Variants in PCDHA11 observed in about 807,000 individuals in gnomAD.
PCDHA11 encodes the protein protocadherin alpha-11.
PCDHA11 carries 61 observed loss-of-function variants against 70.3 expected under a neutral mutation model. The observed-to-expected ratio is 0.87, with a 90% CI of 0.71 to 1.07. The LOEUF is 1.07. Among genes scored for constraint, PCDHA11 ranks in the 50% least tolerant of loss-of-function variants. PCDHA11 has a pLI of 0.00. For synonymous variants in PCDHA11, 633 were observed against 555.1 expected (o/e 1.14, Z -1.97); for missense variants, 1,324 against 1,237.5 (o/e 1.07, Z -1.05).
At chr5:140,976,833 C>T (rs2096733011) in intron 1 of PCDHA11, among the ~76,000 whole-genome samples, 1 of 152,140 alleles carries the variant, frequency 6.6e-6, no homozygotes, top group Non-Finnish European at 1.5e-5. Flanking sequence ...ATGAGCAAAA[C>T]AGATATAATC....
intron 1 of PCDHA11, among the ~76,000 whole-genome samples, chr5:140,976,450 C>T (rs2096717096): frequency 6.6e-6 from 1 of 152,040 alleles, no homozygotes; most frequent in South Asian, 2.1e-4. Flanking sequence ...ACTAGGGAGG[C>T]TGGGGAAGAA....
chr5:140,883,771 G>A (rs782418376), intron 1 of PCDHA11: 11 of 1,612,346 alleles, frequency 6.8e-6, no homozygotes, highest in African/African-American at 1.3e-5. Context: ...GGGTGGGCGA[G>A]CGTGCGCTGT....
intron 3 of PCDHA11, among the ~76,000 whole-genome samples, chr5:141,000,006 C>T (rs1453937377): frequency 1.3e-5 from 2 of 151,992 alleles, no homozygotes; most frequent in Admixed American, 1.3e-4. Context: ...TTAGATTGGC[C>T]TCCCCATTGC....
chr5:140,870,485 T>C lies in PCDHA11; in HGVS notation c.1382T>C (p.Val461Ala), dbSNP rs1388283363. 1 of 1,614,118 alleles carries C rather than the reference T, an allele frequency of 6.2e-7. No homozygotes were observed. Among genetic ancestry groups the C allele is most frequent in the South Asian group, 1.1e-5 (1 of 91,094 alleles). Residue 461 changes from valine (V) to alanine (A), a missense_variant, in exon 1 of 4, where the codon GTG becomes GCG. Val to Ala is a moderately conservative substitution (Grantham distance 64). Coordinates refer to ENST00000398640, the MANE Select transcript of PCDHA11 (RefSeq NM_018902.5). The stretch of plus-strand genomic sequence containing the variant: ...GCGTTCGCACAGCCCGAGTACACCG[T>C]GTTCGTGAAGGAGAACAACCCACCA... Reference protein sequence around the residue: ...APAFAQPEYTVFVKENNPPGC... With the variant: ...APAFAQPEYTAFVKENNPPGC...
At chr5:140,993,345 C>T (rs557836440) in intron 3 of PCDHA11, among the ~76,000 whole-genome samples, 25 of 152,064 alleles carry the variant, frequency 1.6e-4, no homozygotes, top group African/African-American at 4.3e-4. Context: ...AAGGGCACTA[C>T]GAAGATCCTC....
intron 1 of PCDHA11, among the ~76,000 whole-genome samples, chr5:140,872,594 T>A (rs1554166277): frequency 1.3e-5 from 2 of 152,130 alleles, no homozygotes; most frequent in African/African-American, 2.4e-5. Context: ...GAGACCCCCA[T>A]CTGAAAAAAT....
intron 1 of PCDHA11, chr5:140,883,158 C>A: frequency 2.5e-6 from 4 of 1,613,710 alleles, no homozygotes; most frequent in Non-Finnish European, 3.4e-6. Flanking sequence ...ACCATAAATC[C>A]GAACAATGGA....
At chr5:140,962,625 A>C (rs2095697493) in intron 1 of PCDHA11, among the ~76,000 whole-genome samples, 1 of 152,228 alleles carries the variant, frequency 6.6e-6, no homozygotes, top group Non-Finnish European at 1.5e-5. Context: ...GAGATGTGAA[A>C]AAATTTAGCC....
At chr5:140,934,561 TTTAA>T (rs549996624) in intron 1 of PCDHA11, among the ~76,000 whole-genome samples, 1 of 152,208 alleles carries the variant, frequency 6.6e-6, no homozygotes, top group South Asian at 2.1e-4. Flanking sequence ...TCTTCTTTTT[TTTAA>T]TTAATTGTAA....
intron 3 of PCDHA11, among the ~76,000 whole-genome samples, chr5:140,989,980 C>T (rs1172154204): frequency 6.6e-6 from 1 of 152,012 alleles, no homozygotes; most frequent in South Asian, 2.1e-4. Context: ...AGCAACAGCC[C>T]TGCCTGAAAT....
Position 140,870,624 on chromosome 5 carries a change from G to T in PCDHA11, c.1521G>T (p.Val507=), listed in dbSNP as rs1554164487. ...GCGACCGCGCGCTGTCGAGCTACGT[G>T]TCGGTGCACGCGGAGAGCGGCAAGG... The part of the protein sequence containing the change: ...RLGDRALSSY[V]SVHAESGKVY... The change falls in exon 1 of 4, where the codon GTG becomes GTT. Residue 507 remains valine, a synonymous_variant. Coordinates refer to ENST00000398640, the MANE Select transcript of PCDHA11 (RefSeq NM_018902.5). 2 of 1,613,112 alleles carry T rather than the reference G, an allele frequency of 1.2e-6. No homozygotes were observed. Among genetic ancestry groups the T allele is most frequent in the South Asian group, 2.2e-5 (2 of 91,044 alleles).
chr5:140,923,774 G>T (rs1447078559), intron 1 of PCDHA11, among the ~76,000 whole-genome samples: 1 of 152,202 alleles, frequency 6.6e-6, no homozygotes, highest in Non-Finnish European at 1.5e-5. Flanking sequence ...CTACTGGGTG[G>T]ATGGTTTCTT....
At chr5:140,993,018 C>T (rs2097537347) in intron 3 of PCDHA11, among the ~76,000 whole-genome samples, 1 of 152,174 alleles carries the variant, frequency 6.6e-6, no homozygotes, top group African/African-American at 2.4e-5. Flanking sequence ...AGTCCAGCAT[C>T]CCCTGTGGGC....
rs114410083 is a variant in PCDHA11, at chr5:140,927,323, C to T, written c.2392-51626C>T. 1,487 of 1,614,220 alleles carry T rather than the reference C, an allele frequency of 9.2e-4. 8 individuals are homozygous for T. In the African/African-American group the frequency reaches 0.018, roughly 19 times the overall value. ...TTCCTGACGCCCGGAGCCCGCTTTA[C>T]TCTCCCGAATGCCCAAGATGACGAC... On this transcript the variant is annotated intron_variant, in intron 1 of 3. Coordinates refer to ENST00000398640, the MANE Select transcript of PCDHA11 (RefSeq NM_018902.5).
At chr5:140,999,049 A>G (rs962383659) in intron 3 of PCDHA11, among the ~76,000 whole-genome samples, 2 of 152,332 alleles carry the variant, frequency 1.3e-5, no homozygotes, top group Non-Finnish European at 2.9e-5. Context: ...TGTGCTTTCC[A>G]CCATGCCTAA....
At chr5:140,924,902 A>AAAAAAT (rs1554202311) in intron 1 of PCDHA11, among the ~76,000 whole-genome samples, 400 of 39,066 alleles carry the variant, frequency 0.01, 1 homozygote, top group Middle Eastern at 0.023. Flanking sequence ...CTCAAAAAAA[A>AAAAAAT]AAATAAAATA....
intron 3 of PCDHA11, among the ~76,000 whole-genome samples, chr5:140,994,578 A>C (rs1563601392): frequency 6.6e-6 from 1 of 151,958 alleles, no homozygotes; most frequent in Non-Finnish European, 1.5e-5. Context: ...GGTGGCATGC[A>C]CTTGTAGTCT....
intron 1 of PCDHA11, among the ~76,000 whole-genome samples, chr5:140,887,189 C>T (rs1268664594): frequency 6.6e-6 from 1 of 151,836 alleles, no homozygotes; most frequent in Non-Finnish European, 1.5e-5. Context: ...CTCCACCTCC[C>T]GGGTTCACGC....
intron 1 of PCDHA11, chr5:140,882,750 A>G (rs781948584): frequency 1.9e-5 from 30 of 1,614,128 alleles, no homozygotes; most frequent in Non-Finnish European, 2.4e-5. Context: ...TCCGATGCAG[A>G]TATTGGAGTA....
Sources: allele counts gnomAD v4.1 joint callset (sites outside exome capture counted in the v4.1 genomes callset), GRCh38; gene constraint gnomAD v4.1.1; transcripts MANE v1.5; gene names NCBI Gene and HGNC (gene_info 2026-07-23, HGNC 2026-07-21).